The following ROBO1 variants were observed in gnomAD, a reference collection of about 807,000 sequenced individuals.
ROBO1 encodes roundabout guidance receptor 1, also known as roundabout homolog 1.
Under a neutral mutation model 195.9 loss-of-function variants are expected in ROBO1, and 149 were observed. The observed-to-expected ratio is 0.76, with a 90% CI of 0.67 to 0.87. The LOEUF (loss-of-function observed/expected upper bound fraction) is 0.87, where lower values mean the gene tolerates loss of function less well. ROBO1 is among the 40% of genes least tolerant of loss of function. The probability of loss-of-function intolerance (pLI) is 0.00; values close to 1 mark genes in which losing one functional copy is unlikely to be tolerated. For missense variants in ROBO1, 1,933 were observed against 2,068.3 expected (o/e 0.93, Z 1.27); for synonymous variants, 816 against 733.2 (o/e 1.11, Z -1.82).
At chr3:79,708,921 C>T (rs919421765) in intron 1 of ROBO1, among the ~76,000 whole-genome samples, 2 of 152,026 alleles carry the variant, frequency 1.3e-5, no homozygotes, top group African/African-American at 4.8e-5. Flanking sequence ...AACATTTAAA[C>T]TCATGGGGTT....
At chr3:78,721,109 GAT>G (rs2082035103) in intron 5 of ROBO1, among the ~76,000 whole-genome samples, 1 of 151,698 alleles carries the variant, frequency 6.6e-6, no homozygotes. Context: ...AAAAAAAAAA[GAT>G]ATGTGTCTTT....
intron 2 of ROBO1, among the ~76,000 whole-genome samples, chr3:79,568,197 T>C (rs1943152099): frequency 6.6e-6 from 1 of 152,156 alleles, no homozygotes; most frequent in South Asian, 2.1e-4. Flanking sequence ...AACAAAAATC[T>C]TTAAATATTT....
chr3:78,633,981 G>A lies in ROBO1; in HGVS notation c.3435C>T (p.Asn1145=). Residue 1145 remains asparagine (N), a synonymous_variant, in exon 24 of 31, where the codon AAC becomes AAT. Transcript: ENST00000464233. ...TIPYNQSYDQ[N]TGGSYNSSDR... is the part of the protein sequence containing the mutation. ...CTGAGCTGTTGTAGGATCCTCCTGT[G>A]TTCTGGTCGTATGATTGGTTGTATG... is the stretch of plus-strand genomic sequence containing the variant. 1 of 1,612,990 alleles carries A rather than the reference G, an allele frequency of 6.2e-7. No individual in the cohort carries two copies. Among genetic ancestry groups the A allele is most frequent in the South Asian group, 1.1e-5 (1 of 91,044 alleles).
chr3:79,610,028 T>C (rs1308730752), intron 1 of ROBO1, among the ~76,000 whole-genome samples: 1 of 151,936 alleles, frequency 6.6e-6, no homozygotes, highest in Non-Finnish European at 1.5e-5. Flanking sequence ...TTTATCAGTA[T>C]TCTAAAATTA....
chr3:78,965,281 T>C (rs2107868293), intron 3 of ROBO1, among the ~76,000 whole-genome samples: 1 of 152,280 alleles, frequency 6.6e-6, no homozygotes, highest in Admixed American at 6.5e-5. Context: ...CACACTTACA[T>C]TCAAGATTTA....
intron 1 of ROBO1, among the ~76,000 whole-genome samples, chr3:79,599,548 G>T (rs1277677299): frequency 2.6e-5 from 4 of 151,926 alleles, no homozygotes; most frequent in Non-Finnish European, 5.9e-5. Context: ...AGTTTCTCTA[G>T]TGTAGCTACT....
At chr3:79,655,105 C>T (rs1436569104) in intron 1 of ROBO1, among the ~76,000 whole-genome samples, 1 of 151,996 alleles carries the variant, frequency 6.6e-6, no homozygotes, top group African/African-American at 2.4e-5. Context: ...ATTAGTTCCC[C>T]TCTTCTTTAG....
chr3:78,868,302 T>C (rs989292534), intron 4 of ROBO1, among the ~76,000 whole-genome samples: 2 of 151,876 alleles, frequency 1.3e-5, no homozygotes, highest in African/African-American at 2.4e-5. Flanking sequence ...TTACTTTAAA[T>C]ACTATGAATG....
At chr3:79,174,870 A>C (rs913987180) in intron 2 of ROBO1, among the ~76,000 whole-genome samples, 1 of 151,256 alleles carries the variant, frequency 6.6e-6, no homozygotes, top group Non-Finnish European at 1.5e-5. Context: ...AAAAAAAAAA[A>C]GAAACCTTAC....
chr3:79,278,413 C>T (rs565221699), intron 2 of ROBO1, among the ~76,000 whole-genome samples: 2 of 147,432 alleles, frequency 1.4e-5, no homozygotes, highest in South Asian at 4.2e-4. Context: ...AACAAAAAAG[C>T]TGGAGGTATC....
intron 2 of ROBO1, among the ~76,000 whole-genome samples, chr3:79,492,485 T>A (rs1939518496): frequency 6.7e-6 from 1 of 149,390 alleles, no homozygotes; most frequent in Non-Finnish European, 1.5e-5. Context: ...ATATTTTAAA[T>A]TATGAAAACC....
chr3:78,614,659 G>T lies in ROBO1; in HGVS notation c.4424C>A (p.Thr1475Asn). The T allele has an allele frequency of 6.2e-7, 1 of 1,613,664 alleles. No individual in the cohort carries two copies. The highest frequency in any genetic ancestry group is 8.5e-7 in the Non-Finnish European group (1 of 1,179,774). The change falls in exon 28 of 31, where the codon ACC (threonine) becomes AAC (asparagine). Residue 1475 changes from threonine to asparagine, a missense_variant. Thr to Asn is a moderately conservative substitution (Grantham distance 65). Transcript: ENST00000464233. ...KHQPGHLRRE[T>N]YTDDLPPPPV... ...GTCAATGGACTCACCATCTGTGTAG[G>T]TTTCTCTGCGCAGATGTCCTGGCTG... is the stretch of plus-strand genomic sequence containing the variant.
rs190946776 is a variant in ROBO1 at position 78,781,578 on chromosome 3, G to A, written c.500-34678C>T. On this transcript the variant is annotated intron_variant, in intron 4 of 30. Coordinates refer to ENST00000464233, the MANE Select transcript of ROBO1 (RefSeq NM_002941.4). ...CTTGACTGCACACTGAAATCCCCTG[G>A]GGAGACAGAAAAATTTCAATGTCCA... Among the ~76,000 whole-genome samples, 239 of 152,058 alleles carry A rather than the reference G, an allele frequency of 1.6e-3. 1 individual carries two copies. The highest frequency in any genetic ancestry group is 0.014 in the Middle Eastern group (4 of 294).
At position 78,961,775 on chromosome 3, in the gene ROBO1, T is replaced by C. The variant is rs546893867; in HGVS notation, c.173-22848A>G. Reference sequence around the variant, plus strand: ...TAAGAATTCACCTTGTACAAGAATGTACTGCATAGACCCATAATTTTTTTT... The same window carrying C: ...TAAGAATTCACCTTGTACAAGAATGCACTGCATAGACCCATAATTTTTTTT... On this transcript the variant is annotated intron_variant, in intron 3 of 30. Coordinates refer to ENST00000464233, the MANE Select transcript of ROBO1 (RefSeq NM_002941.4). Among the ~76,000 whole-genome samples, 284 of 152,310 alleles carry C rather than the reference T, an allele frequency of 1.9e-3. 1 individual carries two copies. The highest frequency in any genetic ancestry group is 6.6e-3 in the African/African-American group (276 of 41,572).
intron 3 of ROBO1, among the ~76,000 whole-genome samples, chr3:79,052,711 C>A (rs1423793007): frequency 6.6e-6 from 1 of 152,026 alleles, no homozygotes; most frequent in East Asian, 1.9e-4. Context: ...AGAAAAGAAC[C>A]TACATTGAAA....
intron 2 of ROBO1, among the ~76,000 whole-genome samples, chr3:79,379,544 C>T (rs1050213205): frequency 3.9e-5 from 6 of 152,252 alleles, no homozygotes; most frequent in Admixed American, 6.5e-5. Context: ...AATTGGATCA[C>T]GTTAATATAC....
At chr3:79,514,689 G>A (rs1940866631) in intron 2 of ROBO1, among the ~76,000 whole-genome samples, 1 of 151,558 alleles carries the variant, frequency 6.6e-6, no homozygotes, top group Non-Finnish European at 1.5e-5. Flanking sequence ...ACCTATTGAT[G>A]TGTATGTGTC....
At chr3:79,761,092 T>C (rs1010914528) in intron 1 of ROBO1, among the ~76,000 whole-genome samples, 2 of 148,238 alleles carry the variant, frequency 1.3e-5, no homozygotes, top group African/African-American at 4.9e-5. Flanking sequence ...ATATATGTAC[T>C]ATATATAAAA....
chr3:79,364,901 A>T (rs1477255704), intron 2 of ROBO1, among the ~76,000 whole-genome samples: 1 of 152,172 alleles, frequency 6.6e-6, no homozygotes, highest in Non-Finnish European at 1.5e-5. Context: ...TATCAACAGA[A>T]CCCTGAAAGC....
Sources: allele counts gnomAD v4.1 joint callset (sites outside exome capture counted in the v4.1 genomes callset), GRCh38; gene constraint gnomAD v4.1.1; transcripts MANE v1.5; gene names NCBI Gene and HGNC (gene_info 2026-07-23, HGNC 2026-07-21).